The following OR9Q1 variants were observed in gnomAD, a reference collection of about 807,000 sequenced individuals.
OR9Q1 encodes olfactory receptor family 9 subfamily Q member 1.
For missense variants in OR9Q1, 374 were observed against 378.8 expected, an observed-to-expected ratio of 0.99 and a Z score of 0.11; for synonymous variants, 153 against 148.6, an observed-to-expected ratio of 1.03 and a Z score of -0.22.
chr11:58,092,996 T>C (rs1458225920), intron 2 of OR9Q1, among the ~76,000 whole-genome samples: 1 of 152,216 alleles, frequency 6.6e-6, no homozygotes, highest in Non-Finnish European at 1.5e-5. Flanking sequence ...TTTGTTTTTT[T>C]TTGTATCTAA....
chr11:58,158,528 C>T (rs1854429446), intron 2 of OR9Q1, among the ~76,000 whole-genome samples: 1 of 150,754 alleles, frequency 6.6e-6, no homozygotes, highest in Non-Finnish European at 1.5e-5. Flanking sequence ...CAGGTCCTTG[C>T]TATATCACAT....
intron 1 of OR9Q1, among the ~76,000 whole-genome samples, chr11:58,047,102 C>G (rs1853224589): frequency 6.6e-6 from 1 of 152,174 alleles, no homozygotes. Context: ...TTCCCATTTG[C>G]TCATTAGTTA....
chr11:58,159,820 A>G (rs940696337), intron 2 of OR9Q1, among the ~76,000 whole-genome samples: 1 of 152,200 alleles, frequency 6.6e-6, no homozygotes, highest in African/African-American at 2.4e-5. Flanking sequence ...AGCCCACTTA[A>G]TTTTTAAAAG....
At chr11:58,107,271 C>A (rs1219475410) in intron 2 of OR9Q1, among the ~76,000 whole-genome samples, 1 of 152,166 alleles carries the variant, frequency 6.6e-6, no homozygotes, top group African/African-American at 2.4e-5. Flanking sequence ...CATACCCCCA[C>A]CCAATGACAG....
intron 1 of OR9Q1, among the ~76,000 whole-genome samples, chr11:58,030,606 C>A (rs142219309): frequency 6.6e-5 from 10 of 152,282 alleles, no homozygotes; most frequent in African/African-American, 2.4e-4. Context: ...TGTCTTCTCT[C>A]TATCTCTACC....
rs1854278880 is a variant in OR9Q1, at chr11:58,144,290, G to A, written c.-14-35141G>A. Among the ~76,000 whole-genome samples the A allele has an allele frequency of 6.8e-5, 10 of 146,382 alleles. No individual in the cohort carries two copies. The South Asian group carries it at 2.2e-3, about 31-fold the overall frequency. On this transcript the variant is annotated intron_variant, in intron 2 of 2. Transcript: ENST00000335397. ...GAGAAAATGCAGTGTTTGGTTTTTT[G>A]TCCTTGCGATAGTTTGCTGAGAATG...
intron 2 of OR9Q1, among the ~76,000 whole-genome samples, chr11:58,142,758 G>A (rs908350687): frequency 8.5e-5 from 13 of 152,132 alleles, no homozygotes; most frequent in Non-Finnish European, 1.6e-4. Context: ...AATACCTGGC[G>A]AGAACCCCAT....
At chr11:58,033,514 A>G (rs2119919237) in intron 1 of OR9Q1, among the ~76,000 whole-genome samples, 1 of 152,362 alleles carries the variant, frequency 6.6e-6, no homozygotes, top group African/African-American at 2.4e-5. Flanking sequence ...CTGAAAATCA[A>G]ATATTTTGTT....
intron 1 of OR9Q1, among the ~76,000 whole-genome samples, chr11:58,035,448 A>G (rs1334573751): frequency 6.6e-6 from 1 of 152,198 alleles, no homozygotes; most frequent in East Asian, 1.9e-4. Context: ...GGAGCTCTTT[A>G]TGGCAGTGTC....
chr11:58,026,702 AAAAAAAG>A (rs1852977690), intron 1 of OR9Q1: 1 of 150,918 alleles, frequency 6.6e-6, no homozygotes, highest in Non-Finnish European at 1.5e-5. Flanking sequence ...AAAAAAAAAA[AAAAAAAG>A]ATATGGAATG....
intron 1 of OR9Q1, among the ~76,000 whole-genome samples, chr11:58,029,843 C>CTTTTT (rs58928895): frequency 1.4e-4 from 19 of 139,136 alleles, no homozygotes; most frequent in African/African-American, 3.7e-4. Context: ...CTGCCTCCTC[C>CTTTTT]TTTTTTTTTT....
intron 2 of OR9Q1, chr11:58,109,603 T>A (rs2120106783): frequency 2.2e-6 from 1 of 457,242 alleles, no homozygotes; most frequent in Non-Finnish European, 4.4e-6. Flanking sequence ...CAGTTCAGGG[T>A]GATCTGTGAA....
At position 58,068,182 on chromosome 11, in the gene OR9Q1, CAAAA is replaced by C. The variant is rs3035014; in HGVS notation, c.-15+12248_-15+12251del. Among the ~76,000 whole-genome samples the C allele has an allele frequency of 1.2e-3, 178 of 145,818 alleles. 1 individual carries two copies. The highest frequency in any genetic ancestry group is 1.9e-3 in the Non-Finnish European group (127 of 66,664). ...GTTAAACCCTGTCTCTACAAAAATACAAAAAAAAAAAAAAAATTAGCTGGACATG... is the reference window on the plus strand; with the variant it reads ...GTTAAACCCTGTCTCTACAAAAATACAAAAAAAAAAAATTAGCTGGACATG... On this transcript the variant is annotated intron_variant, in intron 2 of 2. Coordinates refer to ENST00000335397, the MANE Select transcript of OR9Q1 (RefSeq NM_001005212.4).
At chr11:58,134,787 G>A (rs1329131640) in intron 2 of OR9Q1, among the ~76,000 whole-genome samples, 2 of 152,120 alleles carry the variant, frequency 1.3e-5, no homozygotes, top group Admixed American at 6.6e-5. Flanking sequence ...AAAGGGTCTA[G>A]GTCCCAATTC....
chr11:58,138,145 T>C (rs1452051150), intron 2 of OR9Q1, among the ~76,000 whole-genome samples: 2 of 152,236 alleles, frequency 1.3e-5, no homozygotes, highest in South Asian at 2.1e-4. Flanking sequence ...CCCCCAATCA[T>C]GTCACTCTCC....
intron 2 of OR9Q1, among the ~76,000 whole-genome samples, chr11:58,123,800 A>G (rs1854060765): frequency 1.3e-5 from 2 of 152,166 alleles, no homozygotes; most frequent in South Asian, 2.1e-4. Context: ...GCGCCTCTCT[A>G]AAACCATTAG....
intron 2 of OR9Q1, among the ~76,000 whole-genome samples, chr11:58,099,209 A>G (rs1161320504): frequency 6.7e-6 from 1 of 150,116 alleles, no homozygotes; most frequent in Non-Finnish European, 1.5e-5. Flanking sequence ...TGTTTTTCAA[A>G]TCTTATTTAT....
At position 58,088,327 on chromosome 11, in the gene OR9Q1, G is replaced by A. The variant is rs191819015; in HGVS notation, c.-15+32380G>A. 1.1e-4 allele frequency among the ~76,000 whole-genome samples: 17 copies of A among 151,992 alleles called. No homozygotes were observed. In the East Asian group the frequency reaches 3.3e-3, roughly 29 times the overall value. On this transcript the variant is annotated intron_variant, in intron 2 of 2. Transcript: ENST00000335397. ...AGTAGAATGATTTATAATCCTTTGG[G>A]TATATACCCAGTAATGGGATTGCTG...
chr11:58,042,042 A>C (rs1233245048), intron 1 of OR9Q1, among the ~76,000 whole-genome samples: 1 of 152,244 alleles, frequency 6.6e-6, no homozygotes, highest in African/African-American at 2.4e-5. Context: ...TTCAGGCATC[A>C]GCCAATTTAG....
Sources: allele counts gnomAD v4.1 joint callset (sites outside exome capture counted in the v4.1 genomes callset), GRCh38; gene constraint gnomAD v4.1.1; transcripts MANE v1.5; gene names NCBI Gene and HGNC (gene_info 2026-07-23, HGNC 2026-07-21).